The following PPP2R2D variants were observed in gnomAD, a reference collection of about 807,000 sequenced individuals.
PPP2R2D encodes the protein serine/threonine-protein phosphatase 2A 55 kDa regulatory subunit B delta isoform.
Under a neutral mutation model 31.1 loss-of-function variants are expected in PPP2R2D, and 9 were observed. The ratio of observed to expected loss-of-function variants is 0.29; its 90% CI spans 0.17 to 0.51. The LOEUF (loss-of-function observed/expected upper bound fraction) is 0.51. PPP2R2D is among the 20% of genes least tolerant of loss of function. The pLI is 0.98. For synonymous variants in PPP2R2D, 179 were observed against 172.6 expected, an observed-to-expected ratio of 1.04 and a Z score of -0.29; for missense variants, 391 against 465.6, an observed-to-expected ratio of 0.84 and a Z score of 1.48.
At chr10:131,950,858 CA>C (rs2036624052) in intron 8 of PPP2R2D, among the ~76,000 whole-genome samples, 1 of 152,128 alleles carries the variant, frequency 6.6e-6, no homozygotes, top group African/African-American at 2.4e-5. Flanking sequence ...GCTCTGGAAA[CA>C]AGGGCTTCTT....
chr10:131,928,656 G>C (rs1348751537), intron 2 of PPP2R2D, among the ~76,000 whole-genome samples: 1 of 152,236 alleles, frequency 6.6e-6, no homozygotes, highest in Non-Finnish European at 1.5e-5. Context: ...CAACCCTCCA[G>C]CAGAGGTGGT....
intron 2 of PPP2R2D, among the ~76,000 whole-genome samples, chr10:131,903,410 T>G (rs892817480): frequency 7.3e-6 from 1 of 136,626 alleles, no homozygotes; most frequent in Non-Finnish European, 1.5e-5. Flanking sequence ...GAGGTTGCAG[T>G]GAGTGGAGAT....
rs534714611 is a variant in PPP2R2D at position 131,945,137 on chromosome 10, C to T, written c.656-158C>T. On this transcript the variant is annotated intron_variant, in intron 6 of 8. Coordinates refer to ENST00000455566, the MANE Select transcript of PPP2R2D (RefSeq NM_018461.5). The surrounding 1 kb of genome is among the most constrained non-coding windows in gnomAD (Gnocchi z 4.8). ...TGCTCATCCCAATCCCCTTACCAGG[C>T]GCTCCTTTGGAATTCGGGATGTGTA... 2.0e-5 allele frequency among the ~76,000 whole-genome samples: 3 copies of T among 152,186 alleles called. No individual in the cohort carries two copies. The highest frequency in any genetic ancestry group is 4.8e-5 in the African/African-American group (2 of 41,446).
chr10:131,928,314 C>A, intron 2 of PPP2R2D, among the ~76,000 whole-genome samples: 1 of 152,156 alleles, frequency 6.6e-6, no homozygotes. Context: ...GCAGTGGCCT[C>A]GCGAGCAGCA....
At chr10:131,906,509 G>A (rs1036329880) in intron 2 of PPP2R2D, among the ~76,000 whole-genome samples, 21 of 152,172 alleles carry the variant, frequency 1.4e-4, no homozygotes, top group Non-Finnish European at 2.9e-4. Context: ...TAATCTGGTA[G>A]GATAGCCTTT....
In PPP2R2D at chr10:131,947,881, G is replaced by T; in HGVS notation, c.1082+90G>T. On this transcript the variant is annotated intron_variant, in intron 8 of 8. Transcript: ENST00000455566. This position sits in a 1 kb window ranked among gnomAD's most constrained non-coding sequence, Gnocchi z 4.3. ...TGAGGGAGGCGAGCTGTCCTCCAGC[G>T]TCAGAGGAGGACGCTCATAGGGTGT... 6.6e-7 allele frequency: 1 copy of T among 1,505,960 alleles called. No individual in the cohort carries two copies. The allele number at this position is 1,505,960 out of a possible 1,614,324, so 93.3% of individuals were successfully genotyped here. A position where few individuals can be genotyped will look rare whatever the true frequency, so the allele number is the denominator to read the frequency against.
chr10:131,913,108 C>T lies in PPP2R2D; in HGVS notation c.100+11778C>T, dbSNP rs946689944. Among the ~76,000 whole-genome samples the T allele has an allele frequency of 6.6e-5, 10 of 152,084 alleles. No individual in the cohort carries two copies. In the South Asian group the frequency reaches 8.3e-4, roughly 13 times the overall value. On this transcript the variant is annotated intron_variant, in intron 2 of 8. Transcript: ENST00000455566. Reference sequence around the variant, plus strand: ...CACTATCTCGGCTCACTGCAACCTCCGCTTCCCAGGTTCAAACGGTTCTCC... The same window carrying T: ...CACTATCTCGGCTCACTGCAACCTCTGCTTCCCAGGTTCAAACGGTTCTCC...
intron 8 of PPP2R2D, among the ~76,000 whole-genome samples, chr10:131,954,535 C>G (rs2036755946): frequency 6.6e-6 from 1 of 152,170 alleles, no homozygotes; most frequent in Admixed American, 6.5e-5. Flanking sequence ...CACCTTGTGT[C>G]TCCCGCCTCT....
intron 8 of PPP2R2D, among the ~76,000 whole-genome samples, chr10:131,953,029 G>A (rs566569733): frequency 6.7e-5 from 9 of 134,776 alleles, no homozygotes; most frequent in East Asian, 2.3e-4. Flanking sequence ...AGTGACTTGC[G>A]GGTGTGCAGG....
chr10:131,939,145 C>A (rs11146222), intron 3 of PPP2R2D, among the ~76,000 whole-genome samples: 2 of 130,746 alleles, frequency 1.5e-5, no homozygotes, highest in Non-Finnish European at 3.3e-5. Flanking sequence ...CTCCAGAAAA[C>A]ACGGCAGGCT....
intron 8 of PPP2R2D, among the ~76,000 whole-genome samples, chr10:131,955,421 A>C (rs938866517): frequency 6.6e-6 from 1 of 152,258 alleles, no homozygotes; most frequent in Non-Finnish European, 1.5e-5. Flanking sequence ...TGTTTCAAAA[A>C]ATACACTAAT....
In PPP2R2D at chr10:131,957,476, C is replaced by G. The variant is rs566454802; in HGVS notation, c.*1513C>G. ...AAGGTGTGTGCTGATTCCTCATGCC[C>G]CTGTCTGGATGAAGGTGTGTGCTGA... On this transcript the variant is annotated 3_prime_UTR_variant, in exon 9 of 9. Coordinates refer to ENST00000455566, the MANE Select transcript of PPP2R2D (RefSeq NM_018461.5). 79 of 173,742 alleles carry G rather than the reference C, an allele frequency of 4.5e-4. 1 individual carries two copies. In the South Asian group the frequency reaches 7.2e-3, roughly 16 times the overall value. The allele number at this position is 173,742 out of a possible 1,614,324, so 10.8% of individuals were successfully genotyped here. A position where few individuals can be genotyped will look rare whatever the true frequency, so the allele number is the denominator to read the frequency against.
chr10:131,961,418 A>C (rs116763014), downstream of PPP2R2D, among the ~76,000 whole-genome samples: 1 of 151,704 alleles, frequency 6.6e-6, no homozygotes, highest in Non-Finnish European at 1.5e-5. Flanking sequence ...GTGGGTGGCA[A>C]CCCCTCCTAA....
intron 8 of PPP2R2D, among the ~76,000 whole-genome samples, chr10:131,948,799 A>G (rs548222844): frequency 6.6e-6 from 1 of 152,166 alleles, no homozygotes; most frequent in Non-Finnish European, 1.5e-5. Flanking sequence ...GTAATTTTCA[A>G]GAGCTGAAGC....
In PPP2R2D at chr10:131,958,369, TGAA is replaced by T. The variant is rs1337064129; in HGVS notation, c.*2408_*2410del. 5.6e-6 allele frequency: 1 copy of T among 177,542 alleles called. No homozygotes were observed. Among genetic ancestry groups the T allele is most frequent in the Non-Finnish European group, 1.1e-5 (1 of 89,386 alleles). 11.0% of individuals were successfully genotyped at this position (177,542 alleles called of 1,614,324 possible). On this transcript the variant is annotated 3_prime_UTR_variant, in exon 9 of 9. Coordinates refer to ENST00000455566, the MANE Select transcript of PPP2R2D (RefSeq NM_018461.5). The stretch of plus-strand genomic sequence containing the variant: ...CTGATCCCCCGTCTTCCTGTGGAGA[TGAA>T]GGTGTGTGCTGATTCCTCATGCCCC...
intron 6 of PPP2R2D, 121 bp downstream of exon 6, chr10:131,944,266 G>A (rs113832867): frequency 4.3e-5 from 32 of 743,220 alleles, no homozygotes; most frequent in African/African-American, 2.9e-4. Context: ...TCACTGCACA[G>A]CAGCCTGTGA....
intron 2 of PPP2R2D, among the ~76,000 whole-genome samples, chr10:131,906,692 G>A (rs1046457647): frequency 6.6e-6 from 1 of 151,572 alleles, no homozygotes; most frequent in Admixed American, 6.6e-5. Context: ...AGGCCAAGAT[G>A]GCAGGATCCC....
chr10:131,927,424 C>T (rs2036127784), intron 2 of PPP2R2D, among the ~76,000 whole-genome samples: 1 of 152,138 alleles, frequency 6.6e-6, no homozygotes, highest in South Asian at 2.1e-4. Flanking sequence ...GACGGGTGCG[C>T]GGGTTGGAGT....
chr10:131,967,707 A>T, the PPP2R2D span: 3 of 152,046 alleles, frequency 2.0e-5, no homozygotes, highest in African/African-American at 7.3e-5. Flanking sequence ...GCAAAGATTT[A>T]TTTTTTTTTC....
Sources: allele counts gnomAD v4.1 joint callset (sites outside exome capture counted in the v4.1 genomes callset), GRCh38; gene constraint gnomAD v4.1.1; non-coding constraint Gnocchi (gnomAD v3.1); transcripts MANE v1.5; gene names NCBI Gene and HGNC (gene_info 2026-07-23, HGNC 2026-07-21).